Variants in EDIL3 observed in about 807,000 individuals in gnomAD.
EDIL3 encodes EGF-like repeat and discoidin I-like domain-containing protein 3.
In EDIL3, 37 loss-of-function variants were observed where a neutral mutation model predicts 67.4. That is an observed-to-expected ratio of 0.55 (90% CI 0.42 to 0.72). The LOEUF (loss-of-function observed/expected upper bound fraction) is 0.72. Ranked by LOEUF, EDIL3 falls within the 30% of genes least tolerant of loss-of-function variation. EDIL3 has a pLI of 0.00. For missense variants in EDIL3, 527 were observed against 586.3 expected (o/e 0.90, Z 1.04); for synonymous variants, 195 against 196.3 (o/e 0.99, Z 0.05).
intron 1 of EDIL3, among the ~76,000 whole-genome samples, chr5:84,268,755 T>C (rs1745401065): frequency 6.6e-6 from 1 of 152,212 alleles, no homozygotes; most frequent in South Asian, 2.1e-4. Flanking sequence ...ATATTATCAA[T>C]CACCACTTCG....
At chr5:84,097,675 A>G (rs1027499681) in intron 6 of EDIL3, among the ~76,000 whole-genome samples, 3 of 152,162 alleles carry the variant, frequency 2.0e-5, no homozygotes, top group Non-Finnish European at 4.4e-5. Context: ...TGTTTGTGGA[A>G]TACATGAATA....
intron 4 of EDIL3, among the ~76,000 whole-genome samples, chr5:84,172,939 T>G (rs886758728): frequency 6.6e-6 from 1 of 152,124 alleles, no homozygotes; most frequent in African/African-American, 2.4e-5. Flanking sequence ...AATTCCCCCT[T>G]GATAAACCCT....
At position 84,119,614 on chromosome 5, in the gene EDIL3, C is replaced by T. The variant is rs528978652; in HGVS notation, c.470-12784G>A. On this transcript the variant is annotated intron_variant, in intron 5 of 10. Coordinates refer to ENST00000296591, the MANE Select transcript of EDIL3 (RefSeq NM_005711.5). ...TCAAGCACTTTTCTTCATTGTGGTA[C>T]AAAATGAGGATGTCCTACGGAAAAG... Among the ~76,000 whole-genome samples the T allele has an allele frequency of 1.7e-4, 26 of 152,140 alleles. No homozygotes were observed. In the South Asian group the frequency reaches 2.9e-3, roughly 17 times the overall value.
chr5:84,355,983 G>A (rs305637), intron 1 of EDIL3, among the ~76,000 whole-genome samples: 67,107 of 151,952 alleles, frequency 0.44, 14,992 homozygotes, highest in Middle Eastern at 0.51. Flanking sequence ...TAAAGTGAAT[G>A]CTATGAATAT....
chr5:84,343,304 T>A (rs1747163282), intron 1 of EDIL3, among the ~76,000 whole-genome samples: 1 of 152,054 alleles, frequency 6.6e-6, no homozygotes, highest in Admixed American at 6.6e-5. Flanking sequence ...CTGAGTTCAG[T>A]ACATTTACAA....
chr5:83,943,718 T>G (rs974037811), intron 10 of EDIL3, 150 bp from the exon 11 acceptor site: 46 of 859,434 alleles, frequency 5.4e-5, no homozygotes, highest in Non-Finnish European at 7.0e-5. Flanking sequence ...TTCTTTTTAA[T>G]AATAATTATT....
chr5:84,263,658 G>T (rs1745282216), intron 1 of EDIL3, among the ~76,000 whole-genome samples: 1 of 152,156 alleles, frequency 6.6e-6, no homozygotes, highest in African/African-American at 2.4e-5. Context: ...GTTTAGTGAA[G>T]TTCCTGCCAT....
intron 10 of EDIL3, among the ~76,000 whole-genome samples, chr5:83,962,572 T>C (rs1245217600): frequency 6.6e-6 from 1 of 151,586 alleles, no homozygotes; most frequent in African/African-American, 2.4e-5. Context: ...AGTGTGTGTG[T>C]ATAGAGGTAT....
At chr5:84,059,440 A>G (rs979440889) in intron 9 of EDIL3, among the ~76,000 whole-genome samples, 15 of 152,130 alleles carry the variant, frequency 9.9e-5, no homozygotes, top group Admixed American at 5.2e-4. Context: ...AGAGAAGAGA[A>G]GAGGAACTAT....
At chr5:83,980,892 A>G (rs1181773568) in intron 9 of EDIL3, among the ~76,000 whole-genome samples, 1 of 151,856 alleles carries the variant, frequency 6.6e-6, no homozygotes, top group Non-Finnish European at 1.5e-5. Flanking sequence ...TTCTACTTAC[A>G]GTACCACTAA....
intron 1 of EDIL3, among the ~76,000 whole-genome samples, chr5:84,345,413 A>G (rs1196979641): frequency 6.6e-6 from 1 of 152,170 alleles, no homozygotes; most frequent in African/African-American, 2.4e-5. Flanking sequence ...TAAAAATAAG[A>G]TACTCTTCCA....
intron 3 of EDIL3, among the ~76,000 whole-genome samples, chr5:84,204,229 C>A (rs1025995313): frequency 2.0e-5 from 3 of 152,110 alleles, no homozygotes; most frequent in South Asian, 2.1e-4. Flanking sequence ...ATTTATATAA[C>A]CCTGTTAGTC....
chr5:83,952,869 T>C (rs1744445662), intron 10 of EDIL3, among the ~76,000 whole-genome samples: 1 of 151,838 alleles, frequency 6.6e-6, no homozygotes, highest in Admixed American at 6.6e-5. Flanking sequence ...ACCCTATCCT[T>C]GTCAGAAATG....
chr5:84,170,670 C>G (rs1748797233), intron 4 of EDIL3, among the ~76,000 whole-genome samples: 1 of 152,088 alleles, frequency 6.6e-6, no homozygotes, highest in East Asian at 1.9e-4. Context: ...TCACCTTTGG[C>G]TACAAGGCCT....
intron 1 of EDIL3, among the ~76,000 whole-genome samples, chr5:84,278,785 G>T (rs927674094): frequency 6.6e-6 from 1 of 151,448 alleles, no homozygotes; most frequent in Admixed American, 6.6e-5. Flanking sequence ...CTCTCCCAGA[G>T]GACCAAGTAT....
chr5:84,305,685 C>T (rs768942466), intron 1 of EDIL3, among the ~76,000 whole-genome samples: 19 of 152,296 alleles, frequency 1.2e-4, no homozygotes, highest in Non-Finnish European at 2.6e-4. Context: ...GGAAACCATC[C>T]TGGCCAACAT....
In EDIL3 at chr5:84,225,976, T is replaced by C. The variant is rs149297410; in HGVS notation, c.226+3879A>G. On this transcript the variant is annotated intron_variant, in intron 3 of 10. Transcript: ENST00000296591. ...GCAGTAAAAAACGCTATTTATTGTA[T>C]TATTTATTCTATTACTTTACTTTGA... 2.3e-3 allele frequency among the ~76,000 whole-genome samples: 348 copies of C among 151,792 alleles called. 1 individual carries two copies. Among genetic ancestry groups the C allele is most frequent in the African/African-American group, 6.8e-3 (281 of 41,542 alleles).
intron 9 of EDIL3, among the ~76,000 whole-genome samples, chr5:84,052,103 C>T (rs56223216): frequency 0.057 from 8,748 of 152,246 alleles, 847 homozygotes; most frequent in African/African-American, 0.2. Flanking sequence ...AGACTAACAG[C>T]GGATCTCTCG....
chr5:84,111,607 G>C (rs116326921), intron 5 of EDIL3, among the ~76,000 whole-genome samples: 1 of 152,152 alleles, frequency 6.6e-6, no homozygotes, highest in African/African-American at 2.4e-5. Context: ...TTCTAGTGGA[G>C]AGACAAATAA....
Sources: allele counts gnomAD v4.1 joint callset (sites outside exome capture counted in the v4.1 genomes callset), GRCh38; gene constraint gnomAD v4.1.1; transcripts MANE v1.5; gene names NCBI Gene and HGNC (gene_info 2026-07-23, HGNC 2026-07-21).